The following DISC1 variants were observed in gnomAD, a reference collection of about 807,000 sequenced individuals.
DISC1 encodes the protein DISC1 scaffold protein.
Under a neutral mutation model 84.5 loss-of-function variants are expected in DISC1, and 57 were observed. The ratio of observed to expected loss-of-function variants is 0.67; its 90% CI spans 0.55 to 0.84. The LOEUF (loss-of-function observed/expected upper bound fraction) is 0.84, where lower values mean the gene tolerates loss of function less well. DISC1 is among the 40% of genes least tolerant of loss of function. The pLI is 0.00. For synonymous variants in DISC1, 411 were observed against 415.2 expected (o/e 0.99, Z 0.12); for missense variants, 1,000 against 1,057.8 (o/e 0.95, Z 0.76).
At chr1:231,628,762 G>T (rs2058465691) in intron 1 of DISC1, among the ~76,000 whole-genome samples, 1 of 152,132 alleles carries the variant, frequency 6.6e-6, no homozygotes, top group Non-Finnish European at 1.5e-5. Context: ...TTCTTTAGGA[G>T]ACAGAGTCTT....
chr1:232,021,996 G>A (rs1467202073), intron 11 of DISC1, among the ~76,000 whole-genome samples: 1 of 152,166 alleles, frequency 6.6e-6, no homozygotes, highest in East Asian at 1.9e-4. Flanking sequence ...TGGAGACTGG[G>A]TTCCAGGGTG....
rs200792454 is a variant in DISC1, at chr1:231,883,571, G to A, written c.1981+65054G>A. Among the ~76,000 whole-genome samples, 198 of 152,290 alleles carry A rather than the reference G, an allele frequency of 1.3e-3. No individual in the cohort carries two copies. The South Asian group carries it at 0.016, about 13-fold the overall frequency. Reference sequence around the variant, plus strand: ...AAGAGCTTTCTCCTGAAGGCCTCAAGGGGCCACTATTGGTCTCAGCAAGGT... The same window carrying A: ...AAGAGCTTTCTCCTGAAGGCCTCAAAGGGCCACTATTGGTCTCAGCAAGGT... On this transcript the variant is annotated intron_variant, in intron 9 of 12. Coordinates refer to ENST00000439617, the MANE Select transcript of DISC1 (RefSeq NM_018662.3).
chr1:231,884,801 A>G (rs2086568442), intron 9 of DISC1, among the ~76,000 whole-genome samples: 1 of 148,118 alleles, frequency 6.8e-6, no homozygotes. Context: ...AAAAGATGGA[A>G]AAAAAAAAAA....
intron 1 of DISC1, among the ~76,000 whole-genome samples, chr1:231,679,313 A>G (rs1361654886): frequency 3.9e-5 from 6 of 152,204 alleles, no homozygotes; most frequent in Admixed American, 1.3e-4. Flanking sequence ...TCATTGCCAT[A>G]TTCTGAATCC....
At chr1:231,723,399 G>A in intron 3 of DISC1, 1 of 985,610 alleles carries the variant, frequency 1.0e-6, no homozygotes, top group Non-Finnish European at 1.2e-6. Context: ...TTCTTCCCTT[G>A]CTTCCAGAAT....
At chr1:231,844,905 C>T (rs1250838625) in intron 9 of DISC1, among the ~76,000 whole-genome samples, 2 of 133,490 alleles carry the variant, frequency 1.5e-5, no homozygotes, top group South Asian at 2.3e-4. Flanking sequence ...CCAGCCTGGG[C>T]GACAGAGCAA....
At chr1:231,892,613 C>T (rs747682215) in intron 9 of DISC1, among the ~76,000 whole-genome samples, 35 of 151,332 alleles carry the variant, frequency 2.3e-4, no homozygotes, top group Non-Finnish European at 3.7e-4. Flanking sequence ...ACAAGTGAGA[C>T]GTGATCTTCA....
chr1:231,630,382 A>C lies in DISC1; in HGVS notation c.67+3448A>C, dbSNP rs549870128. On this transcript the variant is annotated intron_variant, in intron 1 of 12. Coordinates refer to ENST00000439617, the MANE Select transcript of DISC1 (RefSeq NM_018662.3). The surrounding 1 kb of genome is among the most constrained non-coding windows in gnomAD (Gnocchi z 4.4). ...GGGTCTCCTTATTTTGGCCAGATTG[A>C]CCTTGAGCCTCAAGCAACTTCTGCC... Among the ~76,000 whole-genome samples the C allele has an allele frequency of 2.6e-5, 4 of 151,980 alleles. No homozygotes were observed. Among genetic ancestry groups the C allele is most frequent in the Non-Finnish European group, 5.9e-5 (4 of 67,998 alleles).
intron 6 of DISC1, among the ~76,000 whole-genome samples, chr1:231,789,936 A>G (rs1349043394): frequency 6.6e-6 from 1 of 152,142 alleles, no homozygotes; most frequent in Non-Finnish European, 1.5e-5. Context: ...ATAATCCGTA[A>G]TCATTTTTAA....
chr1:231,678,922 C>T (rs529908795), intron 1 of DISC1, among the ~76,000 whole-genome samples: 13 of 152,256 alleles, frequency 8.5e-5, no homozygotes, highest in East Asian at 1.9e-4. Context: ...GTGATCCACC[C>T]GCCTCAGCCT....
Position 231,907,000 on chromosome 1 carries a change from TTC to T in DISC1, c.1982-51818_1982-51817del, listed in dbSNP as rs538277387. On this transcript the variant is annotated intron_variant, in intron 9 of 12. Transcript: ENST00000439617. ...TCTTTTCTTTCTTTTCTTTCTTTCT[TTC>T]TCTCTCTCTTTCTTTTTCTTCTCTC... Among the ~76,000 whole-genome samples the T allele has an allele frequency of 3.2e-3, 381 of 118,158 alleles. 4 individuals are homozygous for T. Among genetic ancestry groups the T allele is most frequent in the African/African-American group, 9.5e-3 (306 of 32,046 alleles). The allele number at this position is 118,158 out of a possible 152,430, so 77.5% of individuals were successfully genotyped here.
intron 3 of DISC1, among the ~76,000 whole-genome samples, chr1:231,725,176 G>A (rs2125131335): frequency 6.6e-6 from 1 of 152,300 alleles, no homozygotes; most frequent in African/African-American, 2.4e-5. Flanking sequence ...GGATGCTCAA[G>A]TCCCTCTTGA....
chr1:231,771,131 G>T, intron 6 of DISC1, 61 bp downstream of exon 6: 1 of 1,485,998 alleles, frequency 6.7e-7, no homozygotes, highest in South Asian at 1.4e-5. Context: ...TCATTGGAAT[G>T]ATTTTGTCTG....
intron 9 of DISC1, among the ~76,000 whole-genome samples, chr1:231,949,184 T>G (rs60860536): frequency 0.15 from 22,517 of 152,156 alleles, 2,002 homozygotes; most frequent in East Asian, 0.42. Context: ...TGTTAATTTT[T>G]TACACATACT....
At position 231,750,066 on chromosome 1, in the gene DISC1, G is replaced by T; in HGVS notation, c.1258G>T (p.Ala420Ser). The change falls in exon 4 of 13, where the codon GCC (alanine) becomes TCC (serine). Residue 420 changes from alanine to serine, a missense_variant. Physicochemically the swap from Ala to Ser is moderately conservative, Grantham distance 99 (BLOSUM62 1). Coordinates refer to ENST00000439617, the MANE Select transcript of DISC1 (RefSeq NM_018662.3). The stretch of plus-strand genomic sequence containing the variant: ...AGTCCAGGCTGCCTTGCGCCGTGGG[G>T]CCACTCAGCAGTGAGTACTTGTTAT... ...AQVQAALRRG[A>S]TQQASGDDTH... 1 of 1,613,970 alleles carries T rather than the reference G, an allele frequency of 6.2e-7. No homozygotes were observed. The highest frequency in any genetic ancestry group is 1.3e-5 in the African/African-American group (1 of 75,038).
chr1:231,959,592 T>A, intron 10 of DISC1: 1 of 768,564 alleles, frequency 1.3e-6, no homozygotes, highest in Non-Finnish European at 1.6e-6. Flanking sequence ...GGCTATGCCT[T>A]AAGCCTTTGT....
chr1:232,019,972 G>T (rs1429822818), intron 11 of DISC1, among the ~76,000 whole-genome samples: 1 of 152,130 alleles, frequency 6.6e-6, no homozygotes, highest in Non-Finnish European at 1.5e-5. Flanking sequence ...GAGAGTAGAA[G>T]GGAAGAGAAC....
At chr1:231,911,245 TG>T (rs1182643388) in intron 9 of DISC1, among the ~76,000 whole-genome samples, 1 of 152,210 alleles carries the variant, frequency 6.6e-6, no homozygotes, top group Admixed American at 6.5e-5. Context: ...TTTTGCTCGT[TG>T]GTTGATGCAG....
chr1:231,674,846 C>A (rs1024142881), intron 1 of DISC1, among the ~76,000 whole-genome samples: 2 of 152,228 alleles, frequency 1.3e-5, no homozygotes, highest in African/African-American at 4.8e-5. Flanking sequence ...TAAAACTCAC[C>A]TAGAAGGAGC....
Sources: allele counts gnomAD v4.1 joint callset (sites outside exome capture counted in the v4.1 genomes callset), GRCh38; gene constraint gnomAD v4.1.1; non-coding constraint Gnocchi (gnomAD v3.1); transcripts MANE v1.5; gene names NCBI Gene and HGNC (gene_info 2026-07-23, HGNC 2026-07-21).